MBD5: variants seen among roughly 807,000 people sequenced by gnomAD.
The protein encoded by MBD5 is methyl-CpG-binding domain protein 5.
Under a neutral mutation model 117.3 loss-of-function variants are expected in MBD5, and 13 were observed. That is an observed-to-expected ratio of 0.11 (90% CI 0.07 to 0.18). MBD5 has a LOEUF of 0.18. MBD5 is among the 10% of genes least tolerant of loss of function. The pLI is 1.00. For missense variants in MBD5, 1,879 were observed against 2,093.8 expected, an observed-to-expected ratio of 0.90 and a Z score of 2.00; for synonymous variants, 727 against 766.4, an observed-to-expected ratio of 0.95 and a Z score of 0.85.
intron 1 of MBD5, among the ~76,000 whole-genome samples, chr2:148,153,687 A>G (rs1209573695): frequency 2.1e-5 from 3 of 141,950 alleles, no homozygotes; most frequent in African/African-American, 7.9e-5. Context: ...CATTTCATTC[A>G]TTTCATCTTC....
At chr2:148,366,017 C>A (rs1054479298) in intron 4 of MBD5, among the ~76,000 whole-genome samples, 1 of 152,138 alleles carries the variant, frequency 6.6e-6, no homozygotes, top group African/African-American at 2.4e-5. Context: ...AGCAGAGACA[C>A]AACAGAAATA....
At chr2:148,191,083 A>G (rs1698816268) in intron 2 of MBD5, among the ~76,000 whole-genome samples, 1 of 129,810 alleles carries the variant, frequency 7.7e-6, no homozygotes, top group African/African-American at 2.9e-5. Context: ...TGCACCCAAT[A>G]CAGGAGCACC....
At position 148,338,825 on chromosome 2, in the gene MBD5, T is replaced by C. The variant is rs568012985; in HGVS notation, c.-679-3389T>C. On this transcript the variant is annotated intron_variant, in intron 3 of 13. Transcript: ENST00000642680. ...ATCCTGTGTTTGAGAATTCAAAAGC[T>C]TTAAGGGACAGGCAGAAAACAAACA... 2.0e-5 allele frequency among the ~76,000 whole-genome samples: 3 copies of C among 152,224 alleles called. No individual in the cohort carries two copies. The South Asian group carries it at 6.2e-4, about 32-fold the overall frequency.
intron 12 of MBD5, chr2:148,502,889 G>A (rs187743063): frequency 2.4e-5 from 7 of 287,474 alleles, no homozygotes; most frequent in Non-Finnish European, 2.7e-5. Context: ...AATACCCCTC[G>A]TTGTACACAT....
intron 3 of MBD5, among the ~76,000 whole-genome samples, chr2:148,340,604 C>T (rs1281800568): frequency 6.6e-6 from 1 of 151,838 alleles, no homozygotes; most frequent in Non-Finnish European, 1.5e-5. Flanking sequence ...TTTGGAACAA[C>T]AAAAAAATTT....
At chr2:148,375,577 G>A (rs1453809263) in intron 4 of MBD5, among the ~76,000 whole-genome samples, 1 of 152,132 alleles carries the variant, frequency 6.6e-6, no homozygotes, top group African/African-American at 2.4e-5. Flanking sequence ...GGGATATGGG[G>A]TACTTGCCTT....
intron 1 of MBD5, among the ~76,000 whole-genome samples, chr2:148,178,464 TCAACTCTGTGA>T (rs1227553410): frequency 2.0e-5 from 3 of 152,206 alleles, no homozygotes; most frequent in African/African-American, 7.2e-5. Flanking sequence ...TAGAAAGTAC[TCAACTCTGTGA>T]CATGGATCAT....
intron 3 of MBD5, among the ~76,000 whole-genome samples, chr2:148,311,458 C>A (rs1702028812): frequency 1.3e-5 from 2 of 152,252 alleles, no homozygotes; most frequent in South Asian, 4.1e-4. Flanking sequence ...TTATCAGAGA[C>A]TAGGATTGCA....
At chr2:148,177,389 A>G (rs1160867791) in intron 1 of MBD5, among the ~76,000 whole-genome samples, 1 of 152,172 alleles carries the variant, frequency 6.6e-6, no homozygotes, top group Non-Finnish European at 1.5e-5. Flanking sequence ...TTAAAGTGCT[A>G]CTTTGGTCCT....
chr2:148,384,966 A>G (rs1029334462), intron 4 of MBD5, among the ~76,000 whole-genome samples: 1 of 152,234 alleles, frequency 6.6e-6, no homozygotes, highest in East Asian at 1.9e-4. Context: ...TTAATTCAAG[A>G]TGGATTAAAG....
intron 3 of MBD5, chr2:148,260,576 A>ATATTT (rs1200203165): frequency 4.8e-6 from 1 of 208,356 alleles, no homozygotes; most frequent in Non-Finnish European, 1.0e-5. Flanking sequence ...TCCTGCCCCC[A>ATATTT]TATTTTTCAC....
chr2:148,282,497 G>C (rs1478623160), intron 3 of MBD5, among the ~76,000 whole-genome samples: 5 of 150,838 alleles, frequency 3.3e-5, no homozygotes, highest in African/African-American at 1.2e-4. Context: ...CATCTTGAAA[G>C]GATTAAATGA....
chr2:148,141,978 T>TAAG (rs1697327855), intron 1 of MBD5, among the ~76,000 whole-genome samples: 1 of 151,342 alleles, frequency 6.6e-6, no homozygotes, highest in Non-Finnish European at 1.5e-5. Flanking sequence ...ACTGTCTCAA[T>TAAG]AATAATAATA....
In MBD5 at chr2:148,029,549, ATTGTT is replaced by A. The variant is rs745423536; in HGVS notation, c.-925+7868_-925+7872del. Among the ~76,000 whole-genome samples the A allele has an allele frequency of 1.1e-4, 16 of 152,210 alleles. No homozygotes were observed. In the East Asian group the frequency reaches 1.9e-3, roughly 18 times the overall value. On this transcript the variant is annotated intron_variant, in intron 1 of 13. Coordinates refer to ENST00000642680, the MANE Select transcript of MBD5 (RefSeq NM_001378120.1). The stretch of plus-strand genomic sequence containing the variant: ...ATCGCTTTTCTAGGCTGCTGTTCTT[ATTGTT>A]TTAAGTATTTTGGTAAATTGTTTTA...
At position 148,469,064 on chromosome 2, in the gene MBD5, T is replaced by A; in HGVS notation, c.1121T>A (p.Val374Asp). ...IPSKPVNQNP[V>D]IINPTSFHSN... ...AGTAAACCAGTGAATCAGAACCCTGTTATCATTAATCCAACCAGTTTCCAT... is the reference window on the plus strand; with the variant it reads ...AGTAAACCAGTGAATCAGAACCCTGATATCATTAATCCAACCAGTTTCCAT... The change falls in exon 8 of 14, where the codon GTT becomes GAT. Residue 374 changes from valine (V) to aspartate (D), a missense_variant. Val to Asp is a radical substitution (Grantham distance 152, BLOSUM62 -3). Coordinates refer to ENST00000642680, the MANE Select transcript of MBD5 (RefSeq NM_001378120.1). The A allele has an allele frequency of 6.2e-7, 1 of 1,614,024 alleles. No individual in the cohort carries two copies. The highest frequency in any genetic ancestry group is 8.5e-7 in the Non-Finnish European group (1 of 1,179,976).
chr2:148,223,940 A>C (rs1177923583), intron 2 of MBD5, among the ~76,000 whole-genome samples: 2 of 152,082 alleles, frequency 1.3e-5, no homozygotes, highest in Non-Finnish European at 2.9e-5. Context: ...CATTTGTTTC[A>C]ATGAATGTTT....
At chr2:148,092,913 T>C (rs1695978599) in intron 1 of MBD5, among the ~76,000 whole-genome samples, 1 of 151,956 alleles carries the variant, frequency 6.6e-6, no homozygotes, top group African/African-American at 2.4e-5. Context: ...GCTAGCTTCT[T>C]ATCTATCATG....
chr2:148,236,286 G>A (rs1180748420), intron 3 of MBD5, among the ~76,000 whole-genome samples: 11 of 152,136 alleles, frequency 7.2e-5, no homozygotes, highest in Non-Finnish European at 1.5e-5. Flanking sequence ...GCCCAGATTG[G>A]TCAGAGGATT....
At chr2:148,411,160 T>G (rs552980838) in intron 4 of MBD5, among the ~76,000 whole-genome samples, 1 of 152,188 alleles carries the variant, frequency 6.6e-6, no homozygotes, top group Admixed American at 6.5e-5. Flanking sequence ...GGCCTTGAGC[T>G]CTACCCATGT....
Sources: allele counts gnomAD v4.1 joint callset (sites outside exome capture counted in the v4.1 genomes callset), GRCh38; gene constraint gnomAD v4.1.1; transcripts MANE v1.5; gene names NCBI Gene and HGNC (gene_info 2026-07-23, HGNC 2026-07-21).